The following AGBL4 variants were observed in gnomAD, a reference collection of about 807,000 sequenced individuals.
AGBL4 encodes AGBL carboxypeptidase 4.
AGBL4 carries 58 observed loss-of-function variants against 66.4 expected under a neutral mutation model. The ratio of observed to expected loss-of-function variants is 0.87; its 90% CI spans 0.71 to 1.09. The LOEUF (loss-of-function observed/expected upper bound fraction) is 1.09. Among genes scored for constraint, AGBL4 ranks in the 50% least tolerant of loss-of-function variants. The pLI, the probability that AGBL4 is intolerant of heterozygous loss-of-function variation, is 0.00. For missense variants in AGBL4, 579 were observed against 631.0 expected (o/e 0.92, Z 0.88); for synonymous variants, 234 against 222.9 (o/e 1.05, Z -0.44).
intron 1 of AGBL4, among the ~76,000 whole-genome samples, chr1:49,926,884 T>C (rs1168258396): frequency 6.6e-6 from 1 of 151,062 alleles, no homozygotes; most frequent in East Asian, 1.9e-4. Context: ...ATAAAGGGAG[T>C]TTATTAAGGA....
intron 3 of AGBL4, among the ~76,000 whole-genome samples, chr1:49,530,273 C>CAAAAAAAAAA (rs1171374859): frequency 1.8e-5 from 2 of 111,928 alleles, no homozygotes; most frequent in African/African-American, 3.6e-5. Flanking sequence ...AAAAAAAAAA[C>CAAAAAAAAAA]AAAAAAAAAC....
At chr1:48,954,621 G>A (rs1045049573) in intron 5 of AGBL4, among the ~76,000 whole-genome samples, 1 of 152,200 alleles carries the variant, frequency 6.6e-6, no homozygotes, top group African/African-American at 2.4e-5. Context: ...TATGGATTTT[G>A]TTTCTAAGCC....
intron 2 of AGBL4, among the ~76,000 whole-genome samples, chr1:49,742,796 T>G: frequency 6.6e-6 from 1 of 152,066 alleles, no homozygotes; most frequent in Non-Finnish European, 1.5e-5. Flanking sequence ...AAACAAGAAA[T>G]GGGGAAAGGA....
chr1:49,209,880 G>T (rs1023157057), intron 4 of AGBL4, among the ~76,000 whole-genome samples: 1 of 152,022 alleles, frequency 6.6e-6, no homozygotes, highest in Non-Finnish European at 1.5e-5. Flanking sequence ...TATGATGACT[G>T]GTACAATAAT....
chr1:49,375,059 T>C (rs532976933), intron 3 of AGBL4, among the ~76,000 whole-genome samples: 8 of 152,328 alleles, frequency 5.3e-5, no homozygotes, highest in African/African-American at 1.9e-4. Context: ...TTTTCTTACA[T>C]GAACTATGCT....
At chr1:49,626,133 T>A (rs1027258352) in intron 3 of AGBL4, among the ~76,000 whole-genome samples, 1 of 152,182 alleles carries the variant, frequency 6.6e-6, no homozygotes. Context: ...CTATGTAGAA[T>A]GCAGTCCATA....
chr1:49,254,158 C>T (rs1163759143), intron 3 of AGBL4, among the ~76,000 whole-genome samples: 2 of 152,028 alleles, frequency 1.3e-5, no homozygotes, highest in African/African-American at 4.8e-5. Flanking sequence ...TATTGTAAAA[C>T]CTGGCCAGGG....
intron 5 of AGBL4, among the ~76,000 whole-genome samples, chr1:49,042,784 TTA>T (rs1232722010): frequency 1.3e-5 from 2 of 152,230 alleles, no homozygotes; most frequent in Admixed American, 6.5e-5. Flanking sequence ...AGTTGTAATT[TTA>T]TATATGTTAT....
At chr1:49,118,646 G>T (rs1277079808) in intron 4 of AGBL4, among the ~76,000 whole-genome samples, 1 of 152,140 alleles carries the variant, frequency 6.6e-6, no homozygotes. Context: ...AGGGATATTG[G>T]TCTAAAATTC....
At chr1:49,813,426 A>T (rs1265449227) in intron 2 of AGBL4, among the ~76,000 whole-genome samples, 1 of 152,134 alleles carries the variant, frequency 6.6e-6, no homozygotes, top group African/African-American at 2.4e-5. Context: ...TGCATGTGAC[A>T]AAACAGTCTC....
chr1:49,665,422 C>T (rs767672874), intron 3 of AGBL4, among the ~76,000 whole-genome samples: 4 of 152,136 alleles, frequency 2.6e-5, no homozygotes, highest in Non-Finnish European at 5.9e-5. Context: ...CTCTGTAAGA[C>T]TGAGTTCCTT....
At chr1:49,936,751 T>G (rs571410093) in intron 1 of AGBL4, among the ~76,000 whole-genome samples, 1 of 151,980 alleles carries the variant, frequency 6.6e-6, no homozygotes, top group African/African-American at 2.4e-5. Context: ...TTCATAAAAG[T>G]GAAGGAGAAA....
intron 4 of AGBL4, among the ~76,000 whole-genome samples, chr1:49,097,045 T>C (rs1278499982): frequency 6.6e-6 from 1 of 152,206 alleles, no homozygotes; most frequent in African/African-American, 2.4e-5. Context: ...ATAAGTCTCA[T>C]AGTAAACTTC....
intron 5 of AGBL4, among the ~76,000 whole-genome samples, chr1:48,967,848 G>A (rs1246694117): frequency 6.6e-6 from 1 of 152,154 alleles, no homozygotes; most frequent in Non-Finnish European, 1.5e-5. Flanking sequence ...TGTTCTGTAT[G>A]CTCTAGAATC....
intron 1 of AGBL4, among the ~76,000 whole-genome samples, chr1:49,917,515 AT>A (rs1468988116): frequency 6.6e-6 from 1 of 152,218 alleles, no homozygotes; most frequent in Non-Finnish European, 1.5e-5. Flanking sequence ...AAAGGGATCA[AT>A]TCAACAAGAA....
Position 48,534,010 on chromosome 1 carries a change from A to G in AGBL4, c.*163T>C. ...GCTTACAATTGATTTTCCATTGGAA[A>G]AAGGGAAAATCAGTGATGAAGTTTC... On this transcript the variant is annotated 3_prime_UTR_variant, in exon 14 of 14. Coordinates refer to ENST00000371839, the MANE Select transcript of AGBL4 (RefSeq NM_032785.4). 1 of 1,209,670 alleles carries G rather than the reference A, an allele frequency of 8.3e-7. No individual in the cohort carries two copies. Among genetic ancestry groups the G allele is most frequent in the African/African-American group, 1.5e-5 (1 of 65,628 alleles). 74.9% of individuals were successfully genotyped at this position (1,209,670 alleles called of 1,614,324 possible).
chr1:48,911,465 A>G (rs879576873), intron 5 of AGBL4, among the ~76,000 whole-genome samples: 1 of 151,910 alleles, frequency 6.6e-6, no homozygotes, highest in East Asian at 1.9e-4. Flanking sequence ...AAAAAAATAC[A>G]AAAAATTAGC....
intron 6 of AGBL4, among the ~76,000 whole-genome samples, chr1:48,840,798 T>C (rs529177123): frequency 1.3e-5 from 2 of 152,318 alleles, no homozygotes; most frequent in African/African-American, 4.8e-5. Context: ...CACAAAAACC[T>C]GTAAAAGAAT....
intron 2 of AGBL4, among the ~76,000 whole-genome samples, chr1:49,740,365 AG>A (rs1311395756): frequency 1.3e-5 from 2 of 152,238 alleles, no homozygotes; most frequent in Non-Finnish European, 2.9e-5. Flanking sequence ...CTAAATATAT[AG>A]GCGCCCAATA....
Sources: gnomAD v4.1 joint callset for allele counts (sites outside exome capture counted in the v4.1 genomes callset) on GRCh38, gnomAD v4.1.1 for gene constraint, MANE v1.5 for transcripts, NCBI Gene and HGNC (gene_info 2026-07-23, HGNC 2026-07-21) for gene names.